Variants in CNTNAP5 observed in about 807,000 individuals in gnomAD.
CNTNAP5 encodes contactin associated protein family member 5, also known as contactin-associated protein-like 5.
In CNTNAP5, 72 loss-of-function variants were observed where a neutral mutation model predicts 150.2. The ratio of observed to expected loss-of-function variants is 0.48; its 90% CI spans 0.40 to 0.58. The LOEUF is 0.58. CNTNAP5 is among the 20% of genes least tolerant of loss of function. The probability of loss-of-function intolerance (pLI) is 0.00; values close to 1 mark genes in which losing one functional copy is unlikely to be tolerated. For synonymous variants in CNTNAP5, 672 were observed against 619.8 expected (o/e 1.08, Z -1.25); for missense variants, 1,636 against 1,626.2 (o/e 1.01, Z -0.10).
intron 19 of CNTNAP5, among the ~76,000 whole-genome samples, chr2:124,832,919 CTT>C (rs539240335): frequency 2.8e-5 from 4 of 143,206 alleles, no homozygotes; most frequent in Admixed American, 7.0e-5. Context: ...TTTTCTTTTC[CTT>C]TTTTTTTTTG....
At chr2:124,781,386 C>G (rs369436994) in intron 17 of CNTNAP5, among the ~76,000 whole-genome samples, 1 of 152,116 alleles carries the variant, frequency 6.6e-6, no homozygotes, top group Non-Finnish European at 1.5e-5. Context: ...ATTTCTCTTA[C>G]GTTGTGTAAG....
intron 19 of CNTNAP5, among the ~76,000 whole-genome samples, chr2:124,802,381 T>A (rs891891288): frequency 6.6e-6 from 1 of 152,208 alleles, no homozygotes; most frequent in Non-Finnish European, 1.5e-5. Context: ...AACTAGAGAA[T>A]CATTCTGGTT....
intron 1 of CNTNAP5, among the ~76,000 whole-genome samples, chr2:124,173,817 C>A (rs769454720): frequency 2.0e-4 from 31 of 152,164 alleles, no homozygotes; most frequent in Admixed American, 3.3e-4. Context: ...ACAAAACAGC[C>A]TTTCTTTTGG....
chr2:124,772,060 A>G (rs1335608936), intron 16 of CNTNAP5, among the ~76,000 whole-genome samples: 2 of 151,486 alleles, frequency 1.3e-5, no homozygotes, highest in East Asian at 2.0e-4. Context: ...CACCATCAGC[A>G]TTAACATTAT....
intron 3 of CNTNAP5, among the ~76,000 whole-genome samples, chr2:124,298,804 G>T (rs1688502559): frequency 6.6e-6 from 1 of 152,092 alleles, no homozygotes; most frequent in African/African-American, 2.4e-5. Context: ...CTCTTGGTGG[G>T]CTTTTGTTAC....
chr2:124,680,105 T>G (rs2105067631), intron 13 of CNTNAP5, among the ~76,000 whole-genome samples: 1 of 151,910 alleles, frequency 6.6e-6, no homozygotes, highest in Admixed American at 6.7e-5. Flanking sequence ...GTGTACCACT[T>G]CTAGTCAGAT....
intron 12 of CNTNAP5, 67 bp from the exon 13 acceptor site, chr2:124,647,691 T>G: frequency 6.9e-7 from 1 of 1,447,472 alleles, no homozygotes; most frequent in Non-Finnish European, 9.3e-7. Context: ...CCCATCACAC[T>G]GCTCACATGC....
intron 12 of CNTNAP5, among the ~76,000 whole-genome samples, chr2:124,638,485 T>C (rs1558715232): frequency 6.6e-6 from 1 of 152,290 alleles, no homozygotes; most frequent in East Asian, 1.9e-4. Context: ...TTTATAGTTA[T>C]TTTATCAATT....
At chr2:124,775,368 G>T (rs187006197) in intron 17 of CNTNAP5, among the ~76,000 whole-genome samples, 168 of 152,278 alleles carry the variant, frequency 1.1e-3, no homozygotes, top group African/African-American at 3.7e-3. Context: ...ATATTTGCTA[G>T]GGAGGAAAAG....
At chr2:124,043,124 A>T (rs1347873) in intron 1 of CNTNAP5, among the ~76,000 whole-genome samples, 44,257 of 152,102 alleles carry the variant, frequency 0.29, 6,820 homozygotes, top group Admixed American at 0.37. Context: ...TGCCTTTTGA[A>T]AAAGGAAAGT....
intron 17 of CNTNAP5, among the ~76,000 whole-genome samples, chr2:124,788,603 C>CTTT (rs371311629): frequency 1.5e-5 from 2 of 136,344 alleles, no homozygotes; most frequent in Non-Finnish European, 1.6e-5. Context: ...TTCTTTCTTT[C>CTTT]TTTTTTTTTT....
intron 11 of CNTNAP5, among the ~76,000 whole-genome samples, chr2:124,565,402 A>T (rs1695996153): frequency 6.6e-6 from 1 of 152,160 alleles, no homozygotes; most frequent in Non-Finnish European, 1.5e-5. Flanking sequence ...ATTTTCTATG[A>T]AGTGATTATT....
chr2:124,076,286 T>C (rs1248007531), intron 1 of CNTNAP5, among the ~76,000 whole-genome samples: 1 of 152,166 alleles, frequency 6.6e-6, no homozygotes, highest in African/African-American at 2.4e-5. Flanking sequence ...GCAGCTCTGG[T>C]TAATCAAGAA....
intron 8 of CNTNAP5, among the ~76,000 whole-genome samples, chr2:124,510,481 A>G (rs1353462537): frequency 6.5e-3 from 97 of 14,820 alleles, no homozygotes; most frequent in Non-Finnish European, 9.4e-3. Flanking sequence ...GTATGTGTAT[A>G]TATATATATA....
At chr2:124,588,321 T>C (rs58538880) in intron 11 of CNTNAP5, among the ~76,000 whole-genome samples, 418 of 151,926 alleles carry the variant, frequency 2.8e-3, no homozygotes, top group African/African-American at 9.1e-3. Flanking sequence ...CCTGACACTA[T>C]TATGAAATGC....
chr2:124,905,649 A>T (rs927880951), intron 22 of CNTNAP5, among the ~76,000 whole-genome samples: 1 of 152,124 alleles, frequency 6.6e-6, no homozygotes, highest in African/African-American at 2.4e-5. Flanking sequence ...TACAGTTCTC[A>T]AGAAAAAGAG....
intron 1 of CNTNAP5, among the ~76,000 whole-genome samples, chr2:124,072,454 A>T (rs1346647837): frequency 1.3e-5 from 2 of 151,984 alleles, no homozygotes; most frequent in Non-Finnish European, 2.9e-5. Context: ...GTTTGCAGAC[A>T]ATATGATCTT....
At chr2:124,875,041 T>G (rs531020477) in intron 21 of CNTNAP5, among the ~76,000 whole-genome samples, 9 of 152,188 alleles carry the variant, frequency 5.9e-5, no homozygotes, top group African/African-American at 2.2e-4. Flanking sequence ...GAGCTATCTG[T>G]GAGCACTTAC....
At chr2:124,360,438 G>T (rs1375856716) in intron 3 of CNTNAP5, among the ~76,000 whole-genome samples, 1 of 146,476 alleles carries the variant, frequency 6.8e-6, no homozygotes, top group Non-Finnish European at 1.5e-5. Flanking sequence ...ATTTTGCAGC[G>T]GCTGGTACCG....
Sources: allele counts gnomAD v4.1 joint callset (sites outside exome capture counted in the v4.1 genomes callset), GRCh38; gene constraint gnomAD v4.1.1; transcripts MANE v1.5; gene names NCBI Gene and HGNC (gene_info 2026-07-23, HGNC 2026-07-21).